The following JAML variants were observed in gnomAD, a reference collection of about 807,000 sequenced individuals.
JAML encodes the protein junction adhesion molecule like.
In JAML, 25 loss-of-function variants were observed where a neutral mutation model predicts 39.3. The observed-to-expected ratio is 0.64, with a 90% confidence interval of 0.46 to 0.89. JAML has a LOEUF of 0.89. JAML is among the 40% of genes least tolerant of loss of function. The pLI, the probability that JAML is intolerant of heterozygous loss-of-function variation, is 0.00. For synonymous variants in JAML, 162 were observed against 179.2 expected, an observed-to-expected ratio of 0.90 and a Z score of 0.77; for missense variants, 440 against 486.9, an observed-to-expected ratio of 0.90 and a Z score of 0.91.
intron 5 of JAML, chr11:118,204,060 C>T (rs1025493264): frequency 9.3e-6 from 2 of 214,030 alleles, no homozygotes; most frequent in Non-Finnish European, 1.9e-5. Context: ...CTTTCCAGTC[C>T]ATCCCATTTT....
intron 7 of JAML, among the ~76,000 whole-genome samples, chr11:118,198,799 A>G (rs757415356): frequency 6.6e-6 from 1 of 152,156 alleles, no homozygotes; most frequent in African/African-American, 2.4e-5. Context: ...CAAATAATTC[A>G]GATAATACAG....
intron 5 of JAML, chr11:118,204,158 G>A (rs1948870345): frequency 5.8e-6 from 1 of 173,800 alleles, no homozygotes; most frequent in South Asian, 1.2e-4. Context: ...AAATCACATT[G>A]AATCCCTCAG....
At chr11:118,195,980 C>T (rs649138) in intron 9 of JAML, among the ~76,000 whole-genome samples, 85,719 of 151,368 alleles carry the variant, frequency 0.57, 24,360 homozygotes, top group South Asian at 0.75. Flanking sequence ...TACAGGTGCC[C>T]GCCACCATGC....
intron 1 of JAML, among the ~76,000 whole-genome samples, chr11:118,219,752 G>A (rs1949189491): frequency 6.6e-6 from 1 of 152,186 alleles, no homozygotes; most frequent in African/African-American, 2.4e-5. Flanking sequence ...GATTGCTTGG[G>A]GACCTCTCCC....
chr11:118,203,019 T>C (rs1421856414), intron 6 of JAML: 1 of 459,996 alleles, frequency 2.2e-6, no homozygotes, highest in Admixed American at 2.3e-5. Flanking sequence ...TGTCTCTCAC[T>C]AGCTTAGGAT....
intron 1 of JAML, among the ~76,000 whole-genome samples, chr11:118,215,432 C>T (rs1220380748): frequency 2.6e-5 from 4 of 152,036 alleles, no homozygotes; most frequent in South Asian, 2.1e-4. Flanking sequence ...GGTGCAGTGA[C>T]GTGATCTCCA....
chr11:118,198,856 A>G (rs946671542), intron 7 of JAML, among the ~76,000 whole-genome samples: 28 of 152,284 alleles, frequency 1.8e-4, no homozygotes, highest in Middle Eastern at 3.4e-3. Flanking sequence ...CCGTCACCCC[A>G]TGGGATCCAC....
chr11:118,223,369 G>T (rs1426534143), intron 1 of JAML, among the ~76,000 whole-genome samples: 1 of 152,028 alleles, frequency 6.6e-6, no homozygotes, highest in Non-Finnish European at 1.5e-5. Context: ...AGAGGTTTGT[G>T]GACGTTTTAC....
At chr11:118,196,885 G>A in intron 8 of JAML, 64 bp from the exon 9 acceptor site, 1 of 1,369,184 alleles carries the variant, frequency 7.3e-7, no homozygotes, top group South Asian at 1.2e-5. Context: ...CCAGAGAAAA[G>A]GCCACCCACT....
intron 9 of JAML, among the ~76,000 whole-genome samples, chr11:118,195,625 G>C (rs953384246): frequency 6.6e-6 from 1 of 152,152 alleles, no homozygotes; most frequent in African/African-American, 2.4e-5. Context: ...AGGGAAATTA[G>C]GAATCAGACT....
At chr11:118,203,113 T>C (rs1018153445) in intron 6 of JAML, 25 of 523,178 alleles carry the variant, frequency 4.8e-5, no homozygotes, top group Non-Finnish European at 8.5e-5. Flanking sequence ...GATCCTTCCC[T>C]GAGCTTCTGT....
Position 118,213,807 on chromosome 11 carries a change from G to T in JAML, c.43+1017C>A, listed in dbSNP as rs541815103. Among the ~76,000 whole-genome samples, 16 of 152,318 alleles carry T rather than the reference G, an allele frequency of 1.1e-4. No homozygotes were observed. The South Asian group carries it at 3.1e-3, about 30-fold the overall frequency. On this transcript the variant is annotated intron_variant, in intron 2 of 9. Transcript: ENST00000356289. ...TGCCACCAAGTCACCACATACAGGG[G>T]TTGGACTGGTAGCTCTCTGGATCGG...
intron 9 of JAML, among the ~76,000 whole-genome samples, chr11:118,195,451 C>G (rs1269308817): frequency 6.6e-6 from 1 of 152,028 alleles, no homozygotes; most frequent in Non-Finnish European, 1.5e-5. Context: ...CCCAAACCCA[C>G]AGAACACTGC....
chr11:118,220,993 G>C (rs1949204614), intron 1 of JAML, among the ~76,000 whole-genome samples: 1 of 152,168 alleles, frequency 6.6e-6, no homozygotes, highest in East Asian at 1.9e-4. Flanking sequence ...TCTGGAGGTG[G>C]CAAGTAAAAT....
At position 118,203,441 on chromosome 11, in the gene JAML, C is replaced by A. The variant is rs747718995; in HGVS notation, c.759G>T (p.Pro253=). ...FKKTIVLHVS[P]EEPRTLVTPA... ...AATGTTAGATACTTCGAGGCTCTTC[C>A]GGGCTGACATGCAGCACAATGGTTT... Residue 253 remains proline (P), a synonymous_variant, in exon 6 of 10, where the codon CCG becomes CCT. Transcript: ENST00000356289. 6.2e-6 allele frequency: 10 copies of A among 1,614,090 alleles called. No individual in the cohort carries two copies. In the South Asian group the frequency reaches 1.1e-4, roughly 18 times the overall value.
At chr11:118,195,115 G>A (rs111527225) in intron 9 of JAML, among the ~76,000 whole-genome samples, 2,509 of 152,314 alleles carry the variant, frequency 0.016, 37 homozygotes, top group Non-Finnish European at 0.027. Flanking sequence ...TCTGCAAACA[G>A]TGCCACCCTG....
intron 7 of JAML, among the ~76,000 whole-genome samples, chr11:118,200,241 A>C (rs1285910670): frequency 1.3e-5 from 2 of 152,180 alleles, no homozygotes; most frequent in Non-Finnish European, 2.9e-5. Context: ...TTTCTAAGGG[A>C]GTTTGTAGTC....
intron 4 of JAML, among the ~76,000 whole-genome samples, chr11:118,209,868 T>C (rs1949010466): frequency 6.6e-6 from 1 of 151,644 alleles, no homozygotes; most frequent in East Asian, 1.9e-4. Flanking sequence ...TCTTTTCTTT[T>C]CTCTTTTTTT....
chr11:118,217,810 G>T (rs1387488681), intron 1 of JAML, among the ~76,000 whole-genome samples: 1 of 152,184 alleles, frequency 6.6e-6, no homozygotes, highest in African/African-American at 2.4e-5. Context: ...GGCAGAGCGA[G>T]GATTCAAACC....
Sources: allele counts gnomAD v4.1 joint callset (sites outside exome capture counted in the v4.1 genomes callset), GRCh38; gene constraint gnomAD v4.1.1; transcripts MANE v1.5; gene names NCBI Gene and HGNC (gene_info 2026-07-23, HGNC 2026-07-21).